ITCH: variants seen among roughly 807,000 people sequenced by gnomAD.
ITCH encodes itchy E3 ubiquitin protein ligase.
ITCH carries 28 observed loss-of-function variants against 126.8 expected under a neutral mutation model. The ratio of observed to expected loss-of-function variants is 0.22; its 90% CI spans 0.16 to 0.30. The LOEUF (loss-of-function observed/expected upper bound fraction) is 0.30, where lower values mean the gene tolerates loss of function less well. Among genes scored for constraint, ITCH ranks in the 10% least tolerant of loss-of-function variants. ITCH has a pLI of 1.00. For missense variants in ITCH, 631 were observed against 1,032.4 expected, an observed-to-expected ratio of 0.61 and a Z score of 5.33; for synonymous variants, 342 against 340.0, an observed-to-expected ratio of 1.01 and a Z score of -0.06.
chr20:34,413,124 A>G (rs894735150), intron 5 of ITCH, among the ~76,000 whole-genome samples: 1 of 152,038 alleles, frequency 6.6e-6, no homozygotes, highest in Non-Finnish European at 1.5e-5. Context: ...GCCTCAAGTG[A>G]TTATCCTGCC....
At chr20:34,381,725 G>A (rs543135900) in intron 2 of ITCH, among the ~76,000 whole-genome samples, 72 of 152,022 alleles carry the variant, frequency 4.7e-4, no homozygotes, top group South Asian at 1.7e-3. Context: ...CGCGCCTGGC[G>A]TGTGTGCCTG....
intron 20 of ITCH, among the ~76,000 whole-genome samples, chr20:34,486,638 A>T (rs1320597304): frequency 6.7e-6 from 1 of 149,754 alleles, no homozygotes; most frequent in Non-Finnish European, 1.5e-5. Context: ...AAATTTTGGA[A>T]TGTTGTGTTT....
At chr20:34,476,454 G>T in intron 16 of ITCH, 1 of 1,217,246 alleles carries the variant, frequency 8.2e-7, no homozygotes, top group South Asian at 4.0e-5. Flanking sequence ...GCAGCAGCCG[G>T]GCGCCCCCAG....
rs1309906897 is a variant in ITCH, at chr20:34,462,201, C to T, written c.1404C>T (p.Pro468=). The change falls in exon 14 of 25, where the codon CCC becomes CCT. Residue 468 remains proline (P), a synonymous_variant. Transcript: ENST00000374864. ...GAAGAACTACCACCTATATAGATCCCCGCACAGGAAAATCTGCCCTGTAAG... is the reference window on the plus strand; with the variant it reads ...GAAGAACTACCACCTATATAGATCCTCGCACAGGAAAATCTGCCCTGTAAG... ...HNRRTTTYID[P]RTGKSALDNG... 1.2e-6 allele frequency: 2 copies of T among 1,613,818 alleles called. No homozygotes were observed. The highest frequency in any genetic ancestry group is 2.2e-5 in the East Asian group (1 of 44,840).
intron 3 of ITCH, among the ~76,000 whole-genome samples, chr20:34,404,824 C>T (rs1406078975): frequency 6.6e-6 from 1 of 151,992 alleles, no homozygotes; most frequent in Non-Finnish European, 1.5e-5. Context: ...AAAATTGGTG[C>T]TCCTCCACCC....
At chr20:34,482,247 C>G (rs1988804726) in intron 20 of ITCH, among the ~76,000 whole-genome samples, 1 of 152,288 alleles carries the variant, frequency 6.6e-6, no homozygotes, top group African/African-American at 2.4e-5. Context: ...CTTCACATTT[C>G]AAAACCAATC....
intron 1 of ITCH, among the ~76,000 whole-genome samples, chr20:34,367,304 A>G (rs2037457760): frequency 6.6e-6 from 1 of 152,080 alleles, no homozygotes; most frequent in Admixed American, 6.6e-5. Flanking sequence ...CAGCCTCCCA[A>G]GTAGCTGCCT....
chr20:34,476,438 C>T, intron 16 of ITCH: 19 of 1,221,988 alleles, frequency 1.6e-5, no homozygotes, highest in Non-Finnish European at 1.9e-5. Context: ...ACCGCAGAAG[C>T]GGCGCGCAGC....
chr20:34,367,467 A>G (rs557438415), intron 1 of ITCH, among the ~76,000 whole-genome samples: 44 of 152,306 alleles, frequency 2.9e-4, no homozygotes, highest in African/African-American at 1.0e-3. Context: ...ATTGAGTTTT[A>G]GAGTTGGGAG....
At chr20:34,500,504 A>G (rs1199417082) in intron 23 of ITCH, among the ~76,000 whole-genome samples, 1 of 152,080 alleles carries the variant, frequency 6.6e-6, no homozygotes, top group Non-Finnish European at 1.5e-5. Flanking sequence ...TTGGATTTCC[A>G]TTTCCATGAA....
chr20:34,442,755 C>CCT, intron 10 of ITCH, among the ~76,000 whole-genome samples: 1 of 150,866 alleles, frequency 6.6e-6, no homozygotes, highest in African/African-American at 2.4e-5. Context: ...GGGAGGATCA[C>CCT]GAGCTCAGGA....
chr20:34,449,606 T>G, intron 12 of ITCH, 126 bp downstream of exon 12: 1 of 682,754 alleles, frequency 1.5e-6, no homozygotes. Flanking sequence ...TCTGGGAAGT[T>G]TTTTTTTAAT....
At chr20:34,384,046 G>C (rs1229540927) in intron 2 of ITCH, 1 of 151,266 alleles carries the variant, frequency 6.6e-6, no homozygotes, top group Non-Finnish European at 1.5e-5. Flanking sequence ...ATTTATTCAT[G>C]TTGGTCAGGC....
At chr20:34,444,851 AG>A (rs1434223644) in intron 10 of ITCH, among the ~76,000 whole-genome samples, 62 of 152,332 alleles carry the variant, frequency 4.1e-4, no homozygotes, top group South Asian at 2.1e-4. Context: ...CCTGGTGGCC[AG>A]GCTGGTCTTG....
intron 1 of ITCH, among the ~76,000 whole-genome samples, chr20:34,364,974 C>G (rs1406676173): frequency 2.0e-5 from 3 of 146,498 alleles, no homozygotes; most frequent in Non-Finnish European, 3.0e-5. Flanking sequence ...CCGAGGTGGG[C>G]GGATTACGTG....
intron 6 of ITCH, among the ~76,000 whole-genome samples, chr20:34,415,120 TA>T (rs1273869492): frequency 1.3e-5 from 2 of 152,202 alleles, no homozygotes; most frequent in African/African-American, 2.4e-5. Context: ...AAGAGCAGAT[TA>T]ATGGATTTCT....
intron 14 of ITCH, among the ~76,000 whole-genome samples, chr20:34,469,351 C>T (rs758715613): frequency 1.3e-5 from 2 of 151,872 alleles, no homozygotes; most frequent in Non-Finnish European, 2.9e-5. Flanking sequence ...TGCAGTGGTG[C>T]AATCTCAGCT....
intron 23 of ITCH, among the ~76,000 whole-genome samples, chr20:34,499,889 A>C (rs1447542913): frequency 1.3e-5 from 2 of 151,778 alleles, no homozygotes; most frequent in African/African-American, 4.8e-5. Context: ...TTGTGTTTCC[A>C]TTTGCATTTG....
At chr20:34,376,452 AT>A in intron 2 of ITCH, among the ~76,000 whole-genome samples, 1 of 103,266 alleles carries the variant, frequency 9.7e-6, no homozygotes, top group South Asian at 3.4e-4. Flanking sequence ...TGTCTCAAAA[AT>A]AAATACATAA....
Sources: allele counts gnomAD v4.1 joint callset (sites outside exome capture counted in the v4.1 genomes callset), GRCh38; gene constraint gnomAD v4.1.1; transcripts MANE v1.5; gene names NCBI Gene and HGNC (gene_info 2026-07-23, HGNC 2026-07-21).